DYRK2: variants seen among roughly 807,000 people sequenced by gnomAD.
The protein encoded by DYRK2 is dual specificity tyrosine-phosphorylation-regulated kinase 2.
In DYRK2, 12 loss-of-function variants were observed where a neutral mutation model predicts 41.6. That is an observed-to-expected ratio of 0.29 (90% confidence interval 0.18 to 0.47). The LOEUF is 0.47. Ranked by LOEUF, DYRK2 falls within the 20% of genes least tolerant of loss-of-function variation. The pLI is 1.00. For synonymous variants in DYRK2, 322 were observed against 315.7 expected, an observed-to-expected ratio of 1.02 and a Z score of -0.21; for missense variants, 678 against 798.4, an observed-to-expected ratio of 0.85 and a Z score of 1.82.
In DYRK2 at chr12:67,662,655, T is replaced by A. The variant is rs1872656315; in HGVS notation, c.*3942T>A. On this transcript the variant is annotated 3_prime_UTR_variant, in exon 3 of 3. Coordinates refer to ENST00000344096, the MANE Select transcript of DYRK2 (RefSeq NM_006482.3). Reference sequence around the variant, plus strand: ...ATAATTTCAGAATAAAATTTTAATGTCCTACCTTACTTCTCTCCCCTTTCT... The same window carrying A: ...ATAATTTCAGAATAAAATTTTAATGACCTACCTTACTTCTCTCCCCTTTCT... 1 of 166,428 alleles carries A rather than the reference T, an allele frequency of 6.0e-6. No homozygotes were observed. 10.3% of individuals were successfully genotyped at this position (166,428 alleles called of 1,614,324 possible).
At position 67,664,455 on chromosome 12, in the gene DYRK2, G is replaced by A. The variant is rs1337103325; in HGVS notation, c.*5742G>A. On this transcript the variant is annotated 3_prime_UTR_variant, in exon 3 of 3. Coordinates refer to ENST00000344096, the MANE Select transcript of DYRK2 (RefSeq NM_006482.3). Reference sequence around the variant, plus strand: ...AAGAGCATTACCCCTTACATAGAAAGCTCCTTGGAGATTTCATGATGTTGG... The same window carrying A: ...AAGAGCATTACCCCTTACATAGAAAACTCCTTGGAGATTTCATGATGTTGG... The A allele has an allele frequency of 6.6e-6, 1 of 152,114 alleles. No individual in the cohort carries two copies. Among genetic ancestry groups the A allele is most frequent in the Non-Finnish European group, 1.5e-5 (1 of 67,998 alleles). The allele number at this position is 152,114 out of a possible 1,614,324, so 9.4% of individuals were successfully genotyped here. A position where few individuals can be genotyped will look rare whatever the true frequency, so the allele number is the denominator to read the frequency against.
Position 67,659,850 on chromosome 12 carries a change from A to G in DYRK2, c.*1137A>G, listed in dbSNP as rs1481991538. The G allele has an allele frequency of 6.0e-6, 1 of 167,108 alleles. No individual in the cohort carries two copies. Among genetic ancestry groups the G allele is most frequent in the Non-Finnish European group, 1.5e-5 (1 of 68,120 alleles). 10.4% of individuals were successfully genotyped at this position (167,108 alleles called of 1,614,324 possible). ...GTCACTTTGGCTGTTCAGTAAGGCC[A>G]ATGTTAACAACACGTTTAGAGGAGG... On this transcript the variant is annotated 3_prime_UTR_variant, in exon 3 of 3. Transcript: ENST00000344096.
chr12:67,649,318 G>T, intron 1 of DYRK2, 136 bp downstream of exon 1: 6 of 622,512 alleles, frequency 9.6e-6, no homozygotes, highest in Non-Finnish European at 1.3e-5. Context: ...CCGGGCGGAC[G>T]ACGCGCCCCG....
chr12:67,652,770 A>T (rs1044086766), intron 2 of DYRK2: 4 of 152,234 alleles, frequency 2.6e-5, no homozygotes, highest in African/African-American at 9.6e-5. Context: ...AGGTCTCTCA[A>T]TTCGAACCCA....
chr12:67,662,493 G>A lies in DYRK2; in HGVS notation c.*3780G>A, dbSNP rs910032932. ...AAAATTTCTGTGAGATGCTGCTGTC[G>A]CCACTTAACATTAAATATGTTCTAG... On this transcript the variant is annotated 3_prime_UTR_variant, in exon 3 of 3. Transcript: ENST00000344096. 4 of 166,730 alleles carry A rather than the reference G, an allele frequency of 2.4e-5. No individual in the cohort carries two copies. Among genetic ancestry groups the A allele is most frequent in the Non-Finnish European group, 4.4e-5 (3 of 68,086 alleles). 10.3% of individuals were successfully genotyped at this position (166,730 alleles called of 1,614,324 possible).
rs1479634724 is a variant in DYRK2, at chr12:67,662,453, G to GTA, written c.*3746_*3747dup. Reference sequence around the variant, plus strand: ...GTGAAAATGGTTGAATGTGGACTGTGTATATATGTATGTAAAAATTTCTGT... The same window carrying GTA: ...GTGAAAATGGTTGAATGTGGACTGTGTATATATATGTATGTAAAAATTTCTGT... On this transcript the variant is annotated 3_prime_UTR_variant, in exon 3 of 3. Coordinates refer to ENST00000344096, the MANE Select transcript of DYRK2 (RefSeq NM_006482.3). 3 of 166,690 alleles carry GTA rather than the reference G, an allele frequency of 1.8e-5. No homozygotes were observed. Among genetic ancestry groups the GTA allele is most frequent in the Admixed American group, 6.5e-5 (1 of 15,276 alleles). 10.3% of individuals were successfully genotyped at this position (166,690 alleles called of 1,614,324 possible).
chr12:67,656,227 TG>T (rs1872464826), intron 2 of DYRK2, among the ~76,000 whole-genome samples: 1 of 152,154 alleles, frequency 6.6e-6, no homozygotes, highest in Non-Finnish European at 1.5e-5. Flanking sequence ...TTCACACCAT[TG>T]ATAGAATTTA....
At position 67,658,704 on chromosome 12, in the gene DYRK2, T is replaced by C. The variant is rs80279715; in HGVS notation, c.1797T>C (p.Leu599=). The C allele has an allele frequency of 3.8e-4, 607 of 1,603,922 alleles. 5 individuals carry two copies. In the East Asian group the frequency reaches 6.3e-3, roughly 17 times the overall value. The part of the protein sequence containing the change: ...NIQQRTVLPK[L]VS Reference sequence around the variant, plus strand: ...AGCAGAGGACAGTGTTGCCAAAACTTGTTAGCTGAGCTCACGTCCCCTGAT... The same window carrying C: ...AGCAGAGGACAGTGTTGCCAAAACTCGTTAGCTGAGCTCACGTCCCCTGAT... Residue 599 remains leucine, a synonymous_variant, in exon 3 of 3, where the codon CTT becomes CTC. Transcript: ENST00000344096. This position sits in a 1 kb window ranked among gnomAD's most constrained non-coding sequence, Gnocchi z 4.3.
chr12:67,657,244 A>ACGG lies in DYRK2; in HGVS notation c.338_339insGGC (p.Thr113_Val114insAla), dbSNP rs757060907. ...CACGACACAACCAAATGGGCTTACA[A>ACGG]CAGTGGGCAAAACGGGCTTGCCAGT... On this transcript the variant is annotated inframe_insertion, in exon 3 of 3. Transcript: ENST00000344096. This position sits in a 1 kb window ranked among gnomAD's most constrained non-coding sequence, Gnocchi z 4.8. 6.2e-7 allele frequency: 1 copy of ACGG among 1,614,144 alleles called. No individual in the cohort carries two copies. Among genetic ancestry groups the ACGG allele is most frequent in the East Asian group, 2.2e-5 (1 of 44,878 alleles).
In DYRK2 at chr12:67,658,814, C is replaced by G; in HGVS notation, c.*101C>G. 1 of 1,282,566 alleles carries G rather than the reference C, an allele frequency of 7.8e-7. No individual in the cohort carries two copies. Among genetic ancestry groups the G allele is most frequent in the East Asian group, 2.5e-5 (1 of 40,486 alleles). The allele number at this position is 1,282,566 out of a possible 1,614,324, so 79.4% of individuals were successfully genotyped here. The stretch of plus-strand genomic sequence containing the variant: ...AGACCTGTTTTTATTTGCTCAATAA[C>G]TCTACTCATTTGTATCTTTTCAGCA... On this transcript the variant is annotated 3_prime_UTR_variant, in exon 3 of 3. Coordinates refer to ENST00000344096, the MANE Select transcript of DYRK2 (RefSeq NM_006482.3). This position sits in a 1 kb window ranked among gnomAD's most constrained non-coding sequence, Gnocchi z 4.3.
In DYRK2 at chr12:67,663,860, A is replaced by G. The variant is rs1363227026; in HGVS notation, c.*5147A>G. 1 of 152,182 alleles carries G rather than the reference A, an allele frequency of 6.6e-6. No homozygotes were observed. Among genetic ancestry groups the G allele is most frequent in the African/African-American group, 2.4e-5 (1 of 41,446 alleles). 9.4% of individuals were successfully genotyped at this position (152,182 alleles called of 1,614,324 possible). On this transcript the variant is annotated 3_prime_UTR_variant, in exon 3 of 3. Coordinates refer to ENST00000344096, the MANE Select transcript of DYRK2 (RefSeq NM_006482.3). ...CCCTTTTGGAATGAACAGCTACACA[A>G]ATAAATATTCTTGGAACTTCGAAGT...
In DYRK2 at chr12:67,662,831, T is replaced by C. The variant is rs568699531; in HGVS notation, c.*4118T>C. 1.3e-5 allele frequency: 2 copies of C among 152,584 alleles called. No individual in the cohort carries two copies. The highest frequency in any genetic ancestry group is 4.1e-4 in the South Asian group (2 of 4,824). The allele number at this position is 152,584 out of a possible 1,614,324, so 9.5% of individuals were successfully genotyped here. A position where few individuals can be genotyped will look rare whatever the true frequency, so the allele number is the denominator to read the frequency against. ...TAGTTTGTTCATAGCAATACTTTAT[T>C]AGTTCAATATAAGTATGCAGATTCC... is the stretch of plus-strand genomic sequence containing the variant. On this transcript the variant is annotated 3_prime_UTR_variant, in exon 3 of 3. Transcript: ENST00000344096.
chr12:67,657,086 A>G lies in DYRK2; in HGVS notation c.199-20A>G. The G allele has an allele frequency of 2.0e-6, 3 of 1,531,358 alleles. No homozygotes were observed. The highest frequency in any genetic ancestry group is 2.6e-6 in the Non-Finnish European group (3 of 1,138,824). 94.9% of individuals were successfully genotyped at this position (1,531,358 alleles called of 1,614,324 possible). A position where few individuals can be genotyped will look rare whatever the true frequency, so the allele number is the denominator to read the frequency against. On this transcript the variant is annotated intron_variant, in intron 2 of 2. Coordinates refer to ENST00000344096, the MANE Select transcript of DYRK2 (RefSeq NM_006482.3). This position sits in a 1 kb window ranked among gnomAD's most constrained non-coding sequence, Gnocchi z 4.8. ...CAGACACCACTTCTTTTCTATTTAT[A>G]TTTCCTGTCTGAATTCCAGATTGGC...
At position 67,660,776 on chromosome 12, in the gene DYRK2, C is replaced by T. The variant is rs1872601966; in HGVS notation, c.*2063C>T. 1 of 167,060 alleles carries T rather than the reference C, an allele frequency of 6.0e-6. No homozygotes were observed. Among genetic ancestry groups the T allele is most frequent in the African/African-American group, 2.4e-5 (1 of 41,554 alleles). The allele number at this position is 167,060 out of a possible 1,614,324, so 10.3% of individuals were successfully genotyped here. On this transcript the variant is annotated 3_prime_UTR_variant, in exon 3 of 3. Transcript: ENST00000344096. ...TTGGTGGCTTTGTAAGACCACCAGCCTCTTAATGATGGTTAGCTTCTTTAG... is the reference window on the plus strand; with the variant it reads ...TTGGTGGCTTTGTAAGACCACCAGCTTCTTAATGATGGTTAGCTTCTTTAG...
At chr12:67,656,345 C>G (rs1048052139) in intron 2 of DYRK2, among the ~76,000 whole-genome samples, 2 of 152,198 alleles carry the variant, frequency 1.3e-5, no homozygotes, top group Non-Finnish European at 2.9e-5. Flanking sequence ...TGGACATCTT[C>G]AGAGAGCTGA....
At chr12:67,649,776 C>T (rs768171053) in intron 1 of DYRK2, 21 bp from the exon 2 acceptor site, 9 of 1,313,682 alleles carry the variant, frequency 6.9e-6, no homozygotes, top group Non-Finnish European at 8.8e-6. Context: ...TCTTTTGTCT[C>T]CTCCCGCACG....
At chr12:67,650,647 G>A (rs934141668) in intron 2 of DYRK2, among the ~76,000 whole-genome samples, 1 of 152,212 alleles carries the variant, frequency 6.6e-6, no homozygotes, top group Non-Finnish European at 1.5e-5. Context: ...GTGGTCTCTG[G>A]GAGGGGAGAG....
Position 67,657,266 on chromosome 12 carries a change from C to T in DYRK2, c.359C>T (p.Pro120Leu), listed in dbSNP as rs778346638. Residue 120 changes from proline to leucine, a missense_variant, in exon 3 of 3, where the codon CCA (proline) becomes CTA (leucine). By Grantham distance (98) the Pro-to-Leu change is moderately conservative (BLOSUM62 -3). Around this residue, in one of 2 missense-constraint regions of DYRK2, gnomAD observed 285 missense variants for 279.2 expected, o/e 1.02. Transcript: ENST00000344096. The surrounding 1 kb of genome is among the most constrained non-coding windows in gnomAD (Gnocchi z 4.8). ...GLTTVGKTGL[P>L]VVPERQLDSI... ...ACAACAGTGGGCAAAACGGGCTTGC[C>T]AGTGGTGCCAGAGCGGCAGCTGGAC... 1 of 1,614,034 alleles carries T rather than the reference C, an allele frequency of 6.2e-7. No individual in the cohort carries two copies. Among genetic ancestry groups the T allele is most frequent in the South Asian group, 1.1e-5 (1 of 91,030 alleles).
Position 67,649,950 on chromosome 12 carries a change from G to A in DYRK2, c.198+5G>A. ...GCTGCCGCCGCAGCCCACACGGTGA[G>A]ACCCAGCCCGCGGGCGGCCCGGGCG... On this transcript the variant is annotated splice_donor_5th_base_variant and intron_variant, in intron 2 of 2. Transcript: ENST00000344096. The A allele has an allele frequency of 7.4e-7, 1 of 1,349,720 alleles. No individual in the cohort carries two copies. The highest frequency in any genetic ancestry group is 9.5e-7 in the Non-Finnish European group (1 of 1,055,734). The allele number at this position is 1,349,720 out of a possible 1,614,324, so 83.6% of individuals were successfully genotyped here.
Sources: allele counts gnomAD v4.1 joint callset (sites outside exome capture counted in the v4.1 genomes callset), GRCh38; gene constraint gnomAD v4.1.1; regional missense constraint gnomAD v4.1.1; non-coding constraint Gnocchi (gnomAD v3.1); transcripts MANE v1.5; gene names NCBI Gene and HGNC (gene_info 2026-07-23, HGNC 2026-07-21).